Variants in SLC6A9 observed in about 807,000 individuals in gnomAD.
SLC6A9 encodes the protein solute carrier family 6 member 9, also known as sodium- and chloride-dependent glycine transporter 1.
SLC6A9 carries 31 observed loss-of-function variants against 70.9 expected under a neutral mutation model. The ratio of observed to expected loss-of-function variants is 0.44; its 90% CI spans 0.33 to 0.59. SLC6A9 has a LOEUF of 0.59. Among genes scored for constraint, SLC6A9 ranks in the 20% least tolerant of loss-of-function variants. The probability of loss-of-function intolerance (pLI) is 0.04; values close to 1 mark genes in which losing one functional copy is unlikely to be tolerated. For synonymous variants in SLC6A9, 310 were observed against 341.3 expected (o/e 0.91, Z 1.01); for missense variants, 631 against 845.2 (o/e 0.75, Z 3.14).
At chr1:44,030,092 G>C (rs1013060583) in intron 1 of SLC6A9, among the ~76,000 whole-genome samples, 9 of 152,108 alleles carry the variant, frequency 5.9e-5, no homozygotes, top group South Asian at 2.1e-4. Flanking sequence ...GGCCCGAAAG[G>C]GGGTGCGGCT....
In SLC6A9 at chr1:44,029,147, C is replaced by T. The variant is rs112770390; in HGVS notation, c.-86+2159G>A. ...ACATCAGCCACAGAACCCTGGCCCA[C>T]CTTGACAGTCTCACCGCTGAGTATC... On this transcript the variant is annotated intron_variant, in intron 1 of 13. Transcript: ENST00000372310. Among the ~76,000 whole-genome samples, 527 of 152,296 alleles carry T rather than the reference C, an allele frequency of 3.5e-3. 4 individuals are homozygous for T. The highest frequency in any genetic ancestry group is 0.012 in the African/African-American group (498 of 41,550).
At chr1:44,020,567 C>T (rs9429225) in intron 2 of SLC6A9, among the ~76,000 whole-genome samples, 125,173 of 152,256 alleles carry the variant, frequency 0.82, 51,762 homozygotes, top group Non-Finnish European at 0.85. Flanking sequence ...ATTTGCCACA[C>T]GCTAAGACTT....
At chr1:43,998,794 A>ACATT (rs1477979683) in intron 12 of SLC6A9, among the ~76,000 whole-genome samples, 1 of 152,186 alleles carries the variant, frequency 6.6e-6, no homozygotes, top group East Asian at 1.9e-4. Context: ...GGAGACAGGG[A>ACATT]CATTCAGCCT....
chr1:44,015,855 A>G (rs1308747159), intron 2 of SLC6A9: 1 of 985,250 alleles, frequency 1.0e-6, no homozygotes, highest in Non-Finnish European at 1.2e-6. Context: ...GGGGCAGAAC[A>G]TGGGAAAATC....
chr1:44,010,494 C>T (rs1388054641), intron 3 of SLC6A9: 2 of 386,444 alleles, frequency 5.2e-6, no homozygotes, highest in Non-Finnish European at 9.7e-6. Context: ...CTCACCTCTC[C>T]TCACCTCAAA....
At chr1:44,011,613 T>C in intron 2 of SLC6A9, 1 of 1,613,308 alleles carries the variant, frequency 6.2e-7, no homozygotes, top group South Asian at 1.1e-5. Flanking sequence ...GAGACCAGAG[T>C]TGTAGGCCCC....
chr1:44,000,618 A>C, intron 12 of SLC6A9, 149 bp downstream of exon 12: 1 of 604,468 alleles, frequency 1.7e-6, no homozygotes, highest in Non-Finnish European at 2.9e-6. Flanking sequence ...GACTCTCTCC[A>C]ACCTCCCTCA....
At position 44,002,551 on chromosome 1, in the gene SLC6A9, G is replaced by T. The variant is rs1337955012; in HGVS notation, c.819C>A (p.Tyr273Ter). Reference sequence around the variant, plus strand: ...TCTTGTCCCACTGCGGGGTTAGGTAGTACATGATGCCGTCAAAGGCTCCCT... The same window carrying T: ...TCTTGTCCCACTGCGGGGTTAGGTATTACATGATGCCGTCAAAGGCTCCCT... ...TLEGAFDGIM[Y>*]YLTPQWDKIL... The change falls in exon 7 of 14, where the codon TAC becomes TAA. Residue 273 changes from tyrosine to a stop codon, truncating the protein, a stop_gained. Coordinates refer to ENST00000372310, the MANE Select transcript of SLC6A9 (RefSeq NM_001024845.3). LOFTEE classifies it high-confidence loss of function. The surrounding 1 kb of genome is among the most constrained non-coding windows in gnomAD (Gnocchi z 5.5). The T allele has an allele frequency of 2.5e-6, 4 of 1,614,020 alleles. No individual in the cohort carries two copies. Among genetic ancestry groups the T allele is most frequent in the Non-Finnish European group, 3.4e-6 (4 of 1,180,016 alleles).
rs2086400750 is a variant in SLC6A9 at position 44,008,403 on chromosome 1, G to A, written c.540C>T (p.His180=). The change falls in exon 5 of 14, where the codon CAC becomes CAT. Residue 180 remains histidine (H), a synonymous_variant. Transcript: ENST00000372310. The part of the protein sequence containing the change: ...RPAALPSNLS[H]LLNHSLQRTS... Reference sequence around the variant, plus strand: ...TCCTCTGGAGGCTGTGGTTGAGCAGGTGGGAGAGGTTGCTGGGCAAGGCGG... The same window carrying A: ...TCCTCTGGAGGCTGTGGTTGAGCAGATGGGAGAGGTTGCTGGGCAAGGCGG... The A allele has an allele frequency of 1.2e-6, 2 of 1,614,004 alleles. No homozygotes were observed. The highest frequency in any genetic ancestry group is 2.7e-5 in the African/African-American group (2 of 74,948).
At chr1:43,999,523 G>A (rs1291835732) in intron 12 of SLC6A9, among the ~76,000 whole-genome samples, 1 of 152,050 alleles carries the variant, frequency 6.6e-6, no homozygotes, top group East Asian at 2.0e-4. Flanking sequence ...CAGAGGCTGA[G>A]CTCCCCTTGG....
chr1:44,005,757 G>T (rs2086285055), intron 5 of SLC6A9, among the ~76,000 whole-genome samples: 2 of 152,308 alleles, frequency 1.3e-5, no homozygotes, highest in African/African-American at 2.4e-5. Flanking sequence ...CAACAATAAG[G>T]GTGCTTCCTT....
rs2086830483 is a variant in SLC6A9, at chr1:44,018,972, C to T, written c.30+5276G>A. On this transcript the variant is annotated intron_variant, in intron 2 of 13. Transcript: ENST00000372310. The surrounding 1 kb of genome is among the most constrained non-coding windows in gnomAD (Gnocchi z 4.2). The stretch of plus-strand genomic sequence containing the variant: ...TAAATTTTAAAATAAGATAAAAAGT[C>T]ACAGCCTTTAGAGTTTGACAGTCCT... 6.6e-6 allele frequency among the ~76,000 whole-genome samples: 1 copy of T among 152,182 alleles called. No individual in the cohort carries two copies. The highest frequency in any genetic ancestry group is 1.5e-5 in the Non-Finnish European group (1 of 68,034).
chr1:44,019,635 C>T (rs1243618033), intron 2 of SLC6A9, among the ~76,000 whole-genome samples: 1 of 152,258 alleles, frequency 6.6e-6, no homozygotes, highest in Non-Finnish European at 1.5e-5. Flanking sequence ...GACGGCTTTC[C>T]CTGGCTCTGG....
chr1:43,998,004 T>C lies in SLC6A9; in HGVS notation c.1558A>G (p.Ile520Val). The change falls in exon 13 of 14, where the codon ATC becomes GTC. Residue 520 changes from isoleucine (I) to valine (V), a missense_variant. Coordinates refer to ENST00000372310, the MANE Select transcript of SLC6A9 (RefSeq NM_001024845.3). ...TTGTAGGTGATCGGCTGGTACTGGA[T>C]CACAGTGAAAACTAGAATAAACTGC... Reference protein sequence around the residue: ...IIFFILVFTVIQYQPITYNHY... With the variant: ...IIFFILVFTVVQYQPITYNHY... 2 of 1,613,488 alleles carry C rather than the reference T, an allele frequency of 1.2e-6. No homozygotes were observed. Among genetic ancestry groups the C allele is most frequent in the Non-Finnish European group, 1.7e-6 (2 of 1,179,650 alleles).
Position 44,002,859 on chromosome 1 carries a change from T to C in SLC6A9, c.717A>G (p.Ser239=). ...FLCLIRGVKS[S]GKVVYFTATF... is the part of the protein sequence containing the mutation. Reference sequence around the variant, plus strand: ...GCTGGGGAGGGGTACTTGCTTTCCCTGAAGACTTGACCCCTCGGATGAGGC... The same window carrying C: ...GCTGGGGAGGGGTACTTGCTTTCCCCGAAGACTTGACCCCTCGGATGAGGC... The change falls in exon 6 of 14, where the codon TCA becomes TCG. Residue 239 remains serine, a synonymous_variant. Transcript: ENST00000372310. The surrounding 1 kb of genome is among the most constrained non-coding windows in gnomAD (Gnocchi z 5.5). 1 of 1,614,040 alleles carries C rather than the reference T, an allele frequency of 6.2e-7. No homozygotes were observed. The highest frequency in any genetic ancestry group is 8.5e-7 in the Non-Finnish European group (1 of 1,179,996).
rs775199943 is a variant in SLC6A9 at position 44,008,524 on chromosome 1, T to C, written c.419A>G (p.His140Arg). 3 of 1,614,066 alleles carry C rather than the reference T, an allele frequency of 1.9e-6. No individual in the cohort carries two copies. The South Asian group carries it at 3.3e-5, about 18-fold the overall frequency. ...AFYYFFSSMT[H>R]VLPWAYCNNP... ...ATTGCAGTAGGCCCAGGGCAGCACG[T>C]GCGTCATGGACGAGAAGAAGTAGTA... The change falls in exon 5 of 14, where the codon CAC (histidine) becomes CGC (arginine). Residue 140 changes from histidine to arginine, a missense_variant. Transcript: ENST00000372310.
At position 44,002,315 on chromosome 1, in the gene SLC6A9, G is replaced by C; in HGVS notation, c.960C>G (p.Tyr320Ter). The change falls in exon 8 of 14, where the codon TAC becomes TAG. Residue 320 changes from tyrosine to a stop codon, truncating the protein, a stop_gained and splice_region_variant. Transcript: ENST00000372310. LOFTEE classifies it high-confidence loss of function. The surrounding 1 kb of genome is among the most constrained non-coding windows in gnomAD (Gnocchi z 5.5). ...TCAGCCCAGCAGGGAGCACTCACCGGTAACAGTTATTGTGGAACTTGTTGT... is the reference window on the plus strand; with the variant it reads ...TCAGCCCAGCAGGGAGCACTCACCGCTAACAGTTATTGTGGAACTTGTTGT... Reference protein sequence around the residue: ...ASYNKFHNNCYRDSVIISITN... With the variant: ...ASYNKFHNNC The C allele has an allele frequency of 1.2e-6, 2 of 1,610,220 alleles. No homozygotes were observed. Among genetic ancestry groups the C allele is most frequent in the Non-Finnish European group, 1.7e-6 (2 of 1,176,472 alleles).
chr1:44,001,728 T>G, intron 8 of SLC6A9, 101 bp from the exon 9 acceptor site: 1 of 850,446 alleles, frequency 1.2e-6, no homozygotes, highest in Non-Finnish European at 1.9e-6. Flanking sequence ...CACCCCCAAC[T>G]CTTTTTTTTT....
At chr1:44,007,542 G>T (rs1398742774) in intron 5 of SLC6A9, among the ~76,000 whole-genome samples, 1 of 152,178 alleles carries the variant, frequency 6.6e-6, no homozygotes, top group Admixed American at 6.5e-5. Flanking sequence ...CTTGATCACG[G>T]CACCCCCGGC....
Sources: gnomAD v4.1 joint callset for allele counts (sites outside exome capture counted in the v4.1 genomes callset) on GRCh38, gnomAD v4.1.1 for gene constraint, Gnocchi (gnomAD v3.1) non-coding constraint, MANE v1.5 for transcripts, NCBI Gene and HGNC (gene_info 2026-07-23, HGNC 2026-07-21) for gene names.